PCNX1: variants seen among roughly 807,000 people sequenced by gnomAD.
PCNX1 encodes the protein pecanex 1.
Under a neutral mutation model 242.2 loss-of-function variants are expected in PCNX1, and 78 were observed. The observed-to-expected ratio is 0.32, with a 90% CI of 0.27 to 0.39. PCNX1 has a LOEUF of 0.39. Among genes scored for constraint, PCNX1 ranks in the 10% least tolerant of loss-of-function variants. The pLI is 1.00. For missense variants in PCNX1, 2,581 were observed against 2,856.5 expected, an observed-to-expected ratio of 0.90 and a Z score of 2.20; for synonymous variants, 1,024 against 1,032.9, an observed-to-expected ratio of 0.99 and a Z score of 0.17.
intron 33 of PCNX1, among the ~76,000 whole-genome samples, chr14:71,105,850 A>T (rs944867654): frequency 6.7e-6 from 1 of 149,624 alleles, no homozygotes; most frequent in Non-Finnish European, 1.5e-5. Flanking sequence ...CCAGAAATAT[A>T]ATTTTTTTTA....
At chr14:71,005,733 C>T (rs1454394251) in intron 8 of PCNX1, among the ~76,000 whole-genome samples, 1 of 152,124 alleles carries the variant, frequency 6.6e-6, no homozygotes, top group Non-Finnish European at 1.5e-5. Context: ...CTTCAAGTAT[C>T]CTTGGTGTTA....
At chr14:71,007,576 CTCTTTGT>C (rs1414215982) in intron 8 of PCNX1, among the ~76,000 whole-genome samples, 10 of 152,086 alleles carry the variant, frequency 6.6e-5, no homozygotes, top group Non-Finnish European at 1.0e-4. Flanking sequence ...GCCCTCTTTG[CTCTTTGT>C]TAATCCATGA....
At chr14:70,969,248 T>G (rs1295292156) in intron 5 of PCNX1, 138 bp downstream of exon 5, 2 of 637,580 alleles carry the variant, frequency 3.1e-6, no homozygotes, top group East Asian at 5.4e-5. Context: ...TAAAATGTTA[T>G]GGTGATAGTA....
Position 71,109,746 on chromosome 14 carries a change from A to G in PCNX1, c.6886-49A>G, listed in dbSNP as rs200862106. ...TAGGTAGGGGTAAGAGTTTGTGAGT[A>G]TATTCCAGGTCTCCAGTGCTAACTT... On this transcript the variant is annotated intron_variant, in intron 35 of 35. Coordinates refer to ENST00000304743, the MANE Select transcript of PCNX1 (RefSeq NM_014982.3). The G allele has an allele frequency of 2.3e-3, 3,657 of 1,601,210 alleles. 6 individuals are homozygous for G. Among genetic ancestry groups the G allele is most frequent in the Admixed American group, 3.1e-3 (187 of 59,916 alleles).
chr14:70,958,732 G>A (rs972265513), intron 2 of PCNX1, among the ~76,000 whole-genome samples: 2 of 151,908 alleles, frequency 1.3e-5, no homozygotes, highest in Non-Finnish European at 2.9e-5. Context: ...ACTAGCCTGG[G>A]TTGGGTCCTG....
In PCNX1 at chr14:71,114,672, G is replaced by A. The variant is rs941743090; in HGVS notation, c.*4737G>A. The A allele has an allele frequency of 3.6e-5, 5 of 140,364 alleles. No individual in the cohort carries two copies. The highest frequency in any genetic ancestry group is 7.9e-5 in the Non-Finnish European group (5 of 63,462). The allele number at this position is 140,364 out of a possible 1,614,324, so 8.7% of individuals were successfully genotyped here. A position where few individuals can be genotyped will look rare whatever the true frequency, so the allele number is the denominator to read the frequency against. ...TTCTAAGACTTATACCTATTATATA[G>A]GGTTATACCTTTTTTCTTATGCCTC... is the stretch of plus-strand genomic sequence containing the variant. On this transcript the variant is annotated 3_prime_UTR_variant, in exon 36 of 36. Coordinates refer to ENST00000304743, the MANE Select transcript of PCNX1 (RefSeq NM_014982.3).
intron 8 of PCNX1, among the ~76,000 whole-genome samples, chr14:71,004,382 C>T (rs960695072): frequency 2.0e-5 from 3 of 152,194 alleles, no homozygotes; most frequent in Non-Finnish European, 2.9e-5. Context: ...GTGTGCGGAG[C>T]GAGCATTTCT....
At chr14:71,006,753 AT>A (rs1267108688) in intron 8 of PCNX1, among the ~76,000 whole-genome samples, 15 of 152,290 alleles carry the variant, frequency 9.8e-5, no homozygotes, top group Admixed American at 9.1e-4. Flanking sequence ...CTGGTTGGTT[AT>A]TTTTTAAGCT....
intron 1 of PCNX1, among the ~76,000 whole-genome samples, chr14:70,912,525 G>A (rs978816113): frequency 4.6e-5 from 7 of 151,690 alleles, no homozygotes; most frequent in African/African-American, 1.5e-4. Flanking sequence ...ATGCCCAAAA[G>A]CTTCTGAATT....
intron 1 of PCNX1, among the ~76,000 whole-genome samples, chr14:70,930,529 GACAA>G (rs2056757519): frequency 6.6e-6 from 1 of 152,096 alleles, no homozygotes; most frequent in Middle Eastern, 3.2e-3. Flanking sequence ...GTTATGGAGT[GACAA>G]ACAGATTTTT....
chr14:70,914,467 C>A (rs2056067374), intron 1 of PCNX1, among the ~76,000 whole-genome samples: 1 of 152,168 alleles, frequency 6.6e-6, no homozygotes, highest in Non-Finnish European at 1.5e-5. Flanking sequence ...TTTTCTCCCA[C>A]TTGAAAATTA....
intron 30 of PCNX1, among the ~76,000 whole-genome samples, chr14:71,100,586 A>G (rs975776815): frequency 7.5e-4 from 114 of 152,102 alleles, no homozygotes; most frequent in Admixed American, 7.5e-3. Flanking sequence ...TTCATTTTGT[A>G]TAGTATCTCA....
chr14:70,949,390 TATG>T (rs1397773191), intron 2 of PCNX1, among the ~76,000 whole-genome samples: 2 of 83,538 alleles, frequency 2.4e-5, no homozygotes, highest in East Asian at 2.6e-4. Context: ...TGTATATACA[TATG>T]TGTGTGTGTG....
intron 7 of PCNX1, among the ~76,000 whole-genome samples, chr14:70,989,168 ATTTAT>A (rs912607711): frequency 4.6e-5 from 7 of 152,238 alleles, no homozygotes; most frequent in African/African-American, 1.7e-4. Context: ...ATATGATATG[ATTTAT>A]TTTATATTGC....
chr14:71,112,863 CCT>C lies in PCNX1; in HGVS notation c.*2931_*2932del, dbSNP rs1431208298. 1 of 152,102 alleles carries C rather than the reference CCT, an allele frequency of 6.6e-6. No individual in the cohort carries two copies. Among genetic ancestry groups the C allele is most frequent in the Non-Finnish European group, 1.5e-5 (1 of 67,980 alleles). 9.4% of individuals were successfully genotyped at this position (152,102 alleles called of 1,614,324 possible). A position where few individuals can be genotyped will look rare whatever the true frequency, so the allele number is the denominator to read the frequency against. On this transcript the variant is annotated 3_prime_UTR_variant, in exon 36 of 36. Coordinates refer to ENST00000304743, the MANE Select transcript of PCNX1 (RefSeq NM_014982.3). ...TTCTTGTTTAATTCTTCCGCCACCC[CCT>C]CTTTTGAGAGAAAGGTAATCGTGGA...
intron 6 of PCNX1, among the ~76,000 whole-genome samples, chr14:70,986,205 A>G (rs1361203392): frequency 6.6e-6 from 1 of 152,216 alleles, no homozygotes; most frequent in Admixed American, 6.5e-5. Context: ...TTTCACTTGA[A>G]TGTGTGATAC....
chr14:71,053,409 C>G, intron 24 of PCNX1: 1 of 394,630 alleles, frequency 2.5e-6, no homozygotes, highest in Non-Finnish European at 4.9e-6. Flanking sequence ...CCTCCGCCTC[C>G]CAGGTTCAAG....
intron 1 of PCNX1, among the ~76,000 whole-genome samples, chr14:70,932,583 T>C (rs966076540): frequency 6.6e-6 from 1 of 151,628 alleles, no homozygotes; most frequent in Non-Finnish European, 1.5e-5. Context: ...GTTTTTATTT[T>C]TATTTATCTA....
At chr14:71,068,754 A>G in intron 26 of PCNX1, among the ~76,000 whole-genome samples, 1 of 120,508 alleles carries the variant, frequency 8.3e-6, no homozygotes. Context: ...TATTTTATAT[A>G]CATTATATAT....
Sources: gnomAD v4.1 joint callset for allele counts (sites outside exome capture counted in the v4.1 genomes callset) on GRCh38, gnomAD v4.1.1 for gene constraint, MANE v1.5 for transcripts, NCBI Gene and HGNC (gene_info 2026-07-23, HGNC 2026-07-21) for gene names.